The following PTPRD variants were observed in gnomAD, a reference collection of about 807,000 sequenced individuals.
PTPRD encodes the protein receptor-type tyrosine-protein phosphatase delta.
Under a neutral mutation model 214.5 loss-of-function variants are expected in PTPRD, and 34 were observed. That is an observed-to-expected ratio of 0.16 (90% CI 0.12 to 0.21). The LOEUF is 0.21. Ranked by LOEUF, PTPRD falls within the 10% of genes least tolerant of loss-of-function variation. The pLI is 1.00. For missense variants in PTPRD, 2,545 were observed against 2,398.7 expected, an observed-to-expected ratio of 1.06 and a Z score of -1.27; for synonymous variants, 1,128 against 845.7, an observed-to-expected ratio of 1.33 and a Z score of -5.79.
chr9:8,615,059 C>A (rs2095565778), intron 14 of PTPRD, among the ~76,000 whole-genome samples: 1 of 152,092 alleles, frequency 6.6e-6, no homozygotes, highest in Admixed American at 6.6e-5. Flanking sequence ...CTTTCACTGC[C>A]AACCTGCTTT....
intron 5 of PTPRD, among the ~76,000 whole-genome samples, chr9:9,815,889 T>C (rs1156573184): frequency 6.6e-6 from 1 of 152,152 alleles, no homozygotes; most frequent in Non-Finnish European, 1.5e-5. Flanking sequence ...AGAAAGATGC[T>C]AAGTCCAAGA....
At chr9:9,343,442 T>A (rs540905131) in intron 9 of PTPRD, among the ~76,000 whole-genome samples, 3 of 152,338 alleles carry the variant, frequency 2.0e-5, no homozygotes, top group South Asian at 4.1e-4. Context: ...GGTATCTCAC[T>A]GTGGTTTTGA....
intron 30 of PTPRD, among the ~76,000 whole-genome samples, chr9:8,478,867 G>A (rs969108646): frequency 2.0e-5 from 3 of 152,152 alleles, no homozygotes; most frequent in Non-Finnish European, 4.4e-5. Flanking sequence ...TTAAGGAGTA[G>A]GGGCCAAGAC....
intron 30 of PTPRD, among the ~76,000 whole-genome samples, chr9:8,479,641 T>G (rs2096838918): frequency 6.6e-6 from 1 of 152,188 alleles, no homozygotes; most frequent in Non-Finnish European, 1.5e-5. Flanking sequence ...TTACCACCAA[T>G]GGACTAAAAG....
chr9:10,410,270 T>TATATATATATACACAC (rs532202941), intron 2 of PTPRD, among the ~76,000 whole-genome samples: 13 of 139,834 alleles, frequency 9.3e-5, no homozygotes, highest in African/African-American at 3.3e-4. Context: ...TATATATATA[T>TATATATATATACACAC]ACACACACAC....
Position 9,409,066 on chromosome 9 carries a change from T to A in PTPRD, c.-236-11584A>T, listed in dbSNP as rs185674898. The stretch of plus-strand genomic sequence containing the variant: ...TGAAGTATAACTTTTCTGAAATGTG[T>A]CTTTATTCTAGAATATTCTTATCTG... On this transcript the variant is annotated intron_variant, in intron 8 of 45. Coordinates refer to ENST00000381196, the MANE Select transcript of PTPRD (RefSeq NM_002839.4). Among the ~76,000 whole-genome samples, 4 of 152,070 alleles carry A rather than the reference T, an allele frequency of 2.6e-5. No individual in the cohort carries two copies. The South Asian group carries it at 8.3e-4, about 31-fold the overall frequency.
intron 8 of PTPRD, among the ~76,000 whole-genome samples, chr9:9,430,241 A>C (rs2143012228): frequency 1.3e-5 from 2 of 152,296 alleles, no homozygotes; most frequent in South Asian, 2.1e-4. Flanking sequence ...AATCACAAGC[A>C]TTCCTATACA....
intron 2 of PTPRD, among the ~76,000 whole-genome samples, chr9:10,347,107 T>A (rs1276772284): frequency 6.6e-6 from 1 of 151,846 alleles, no homozygotes; most frequent in Non-Finnish European, 1.5e-5. Context: ...TTCACTCTCA[T>A]CAGCCCAGAT....
rs557306993 is a variant in PTPRD at position 9,088,026 on chromosome 9, C to T, written c.-142-69291G>A. 8.7e-4 allele frequency among the ~76,000 whole-genome samples: 131 copies of T among 151,070 alleles called. No individual in the cohort carries two copies. The Middle Eastern group carries it at 0.01, about 12-fold the overall frequency. On this transcript the variant is annotated intron_variant, in intron 10 of 45. Transcript: ENST00000381196. ...CCTCCTGAGTAGCTGGAATTACAAG[C>T]GTGCACCACCATGCCTGGCTGATTT...
intron 3 of PTPRD, among the ~76,000 whole-genome samples, chr9:10,187,368 G>C (rs2099340624): frequency 6.6e-6 from 1 of 152,038 alleles, no homozygotes; most frequent in South Asian, 2.1e-4. Flanking sequence ...GATATATTTA[G>C]GATCCTGACT....
At chr9:8,443,227 A>G (rs1042925200) in intron 34 of PTPRD, among the ~76,000 whole-genome samples, 1 of 152,232 alleles carries the variant, frequency 6.6e-6, no homozygotes, top group Non-Finnish European at 1.5e-5. Flanking sequence ...CTGTTTCTTT[A>G]TATCAGAAAT....
intron 10 of PTPRD, among the ~76,000 whole-genome samples, chr9:9,034,272 T>C (rs566539148): frequency 6.6e-6 from 1 of 152,234 alleles, no homozygotes; most frequent in East Asian, 1.9e-4. Context: ...AGCGTATCTG[T>C]CTCCAGGTTG....
At chr9:9,571,073 C>T (rs2086234844) in intron 8 of PTPRD, among the ~76,000 whole-genome samples, 1 of 151,354 alleles carries the variant, frequency 6.6e-6, no homozygotes, top group Admixed American at 6.6e-5. Flanking sequence ...AGATGAAAAA[C>T]AAACATTCTA....
At chr9:10,589,676 C>T (rs778086380) in intron 2 of PTPRD, among the ~76,000 whole-genome samples, 12 of 151,870 alleles carry the variant, frequency 7.9e-5, no homozygotes, top group Admixed American at 2.0e-4. Flanking sequence ...ATTCCTGACA[C>T]GAGACAGCAG....
intron 9 of PTPRD, among the ~76,000 whole-genome samples, chr9:9,256,887 A>G (rs1168168369): frequency 6.6e-6 from 1 of 151,974 alleles, no homozygotes; most frequent in South Asian, 2.1e-4. Context: ...CTCCTCTCAG[A>G]GGGTCTTCTG....
intron 2 of PTPRD, among the ~76,000 whole-genome samples, chr9:10,497,778 G>C (rs568000060): frequency 6.6e-6 from 1 of 151,952 alleles, no homozygotes; most frequent in African/African-American, 2.4e-5. Flanking sequence ...TGAAAGATTT[G>C]CTATTATGTT....
At chr9:8,772,466 T>C (rs574574269) in intron 11 of PTPRD, among the ~76,000 whole-genome samples, 7 of 151,828 alleles carry the variant, frequency 4.6e-5, no homozygotes, top group South Asian at 2.1e-4. Flanking sequence ...CTGGGCAAGA[T>C]AGTGAGACCC....
chr9:10,360,373 T>G (rs1255922496), intron 2 of PTPRD, among the ~76,000 whole-genome samples: 2 of 152,262 alleles, frequency 1.3e-5, no homozygotes, highest in Non-Finnish European at 2.9e-5. Flanking sequence ...TTTATTTTAC[T>G]ATATCAGACA....
chr9:10,541,826 G>C (rs912617204), intron 2 of PTPRD, among the ~76,000 whole-genome samples: 47 of 152,026 alleles, frequency 3.1e-4, no homozygotes, highest in Non-Finnish European at 1.5e-4. Context: ...TCCAAAATGG[G>C]TTAAATATAT....
Sources: gnomAD v4.1 joint callset for allele counts (sites outside exome capture counted in the v4.1 genomes callset) on GRCh38, gnomAD v4.1.1 for gene constraint, MANE v1.5 for transcripts, NCBI Gene and HGNC (gene_info 2026-07-23, HGNC 2026-07-21) for gene names.